LPAR6: variants seen among roughly 807,000 people sequenced by gnomAD.
LPAR6 encodes the protein G-protein coupled purinergic receptor P2Y5.
In LPAR6, 17 loss-of-function variants were observed where a neutral mutation model predicts 22.0. That is an observed-to-expected ratio of 0.77 (90% CI 0.53 to 1.16). The LOEUF (loss-of-function observed/expected upper bound fraction) is 1.16. Ranked by LOEUF, LPAR6 falls within the 50% of genes most tolerant of loss-of-function variation. LPAR6 has a pLI of 0.00. For missense variants in LPAR6, 384 were observed against 406.9 expected (o/e 0.94, Z 0.48); for synonymous variants, 136 against 139.8 (o/e 0.97, Z 0.19).
chr13:48,392,707 C>G (rs893878003), intron 1 of LPAR6, among the ~76,000 whole-genome samples: 1 of 151,770 alleles, frequency 6.6e-6, no homozygotes. Flanking sequence ...GTTACTAAGT[C>G]TAGTACCTAT....
Position 48,411,207 on chromosome 13 carries a change from A to G in LPAR6, c.*182T>C. 1.8e-6 allele frequency: 1 copy of G among 555,358 alleles called. No individual in the cohort carries two copies. Among genetic ancestry groups the G allele is most frequent in the Non-Finnish European group, 3.2e-6 (1 of 312,582 alleles). 34.4% of individuals were successfully genotyped at this position (555,358 alleles called of 1,614,324 possible). ...CTCAGAAAAATCAGATGGAGTGGAT[A>G]CACAAATAAAATACATGTTAATGCT... On this transcript the variant is annotated 3_prime_UTR_variant, in exon 1 of 1. Coordinates refer to ENST00000620633, the MANE Select transcript of LPAR6 (RefSeq NM_001162498.3).
chr13:48,423,491 G>A (rs1337775972), intron 1 of LPAR6, among the ~76,000 whole-genome samples: 1 of 152,080 alleles, frequency 6.6e-6, no homozygotes, highest in Non-Finnish European at 1.5e-5. Flanking sequence ...TTCTGTAAAA[G>A]GCTTCCCTTT....
chr13:48,396,563 A>G (rs1049639570), intron 1 of LPAR6, among the ~76,000 whole-genome samples: 1 of 152,340 alleles, frequency 6.6e-6, no homozygotes, highest in Admixed American at 6.5e-5. Flanking sequence ...AACCTAGGCA[A>G]TACCATTCAG....
chr13:48,404,686 C>T (rs1323335536), intron 1 of LPAR6, among the ~76,000 whole-genome samples: 2 of 151,826 alleles, frequency 1.3e-5, no homozygotes, highest in African/African-American at 4.8e-5. Context: ...GACAACGCGC[C>T]CAGATAATTT....
chr13:48,396,257 C>T (rs535936086), intron 1 of LPAR6, among the ~76,000 whole-genome samples: 1 of 152,026 alleles, frequency 6.6e-6, no homozygotes, highest in African/African-American at 2.4e-5. Flanking sequence ...TACTACAAGG[C>T]CACAATAATC....
chr13:48,403,154 A>G (rs1235423210), intron 1 of LPAR6, among the ~76,000 whole-genome samples: 1 of 152,198 alleles, frequency 6.6e-6, no homozygotes, highest in Non-Finnish European at 1.5e-5. Context: ...ATGTAAAAAC[A>G]CTATTTTTTA....
At chr13:48,410,958 T>A (rs1053493985), downstream of LPAR6, 7 of 152,256 alleles carry the variant, frequency 4.6e-5, no homozygotes, top group African/African-American at 1.7e-4. Context: ...TAATCATAGT[T>A]TAAGAAATAT....
chr13:48,393,007 C>T (rs1593463821), intron 1 of LPAR6, among the ~76,000 whole-genome samples: 2 of 152,176 alleles, frequency 1.3e-5, no homozygotes, highest in Non-Finnish European at 2.9e-5. Context: ...AATCAATAGC[C>T]GATTTTCCTT....
At chr13:48,442,346 G>T (rs555753603) in intron 1 of LPAR6, among the ~76,000 whole-genome samples, 1 of 152,116 alleles carries the variant, frequency 6.6e-6, no homozygotes, top group South Asian at 2.1e-4. Flanking sequence ...GACTACAGGC[G>T]CATGCAACCA....
upstream of LPAR6, among the ~76,000 whole-genome samples, chr13:48,430,770 A>AC (rs1949121980): frequency 6.6e-6 from 1 of 150,430 alleles, no homozygotes; most frequent in African/African-American, 2.5e-5. Flanking sequence ...ACAAACAAAA[A>AC]AAAAAAACAG....
chr13:48,415,975 A>G (rs543847924), upstream of LPAR6, among the ~76,000 whole-genome samples: 18 of 152,376 alleles, frequency 1.2e-4, no homozygotes, highest in Middle Eastern at 6.8e-3. Context: ...ATGAATCCAT[A>G]TAATCAATTA....
At chr13:48,428,699 G>T (rs1428507209), upstream of LPAR6, among the ~76,000 whole-genome samples, 1 of 152,192 alleles carries the variant, frequency 6.6e-6, no homozygotes, top group Non-Finnish European at 1.5e-5. Flanking sequence ...ATCGTATGAT[G>T]ACCATCCTTC....
chr13:48,393,200 C>G (rs1353601705), intron 1 of LPAR6, among the ~76,000 whole-genome samples: 1 of 152,194 alleles, frequency 6.6e-6, no homozygotes, highest in African/African-American at 2.4e-5. Flanking sequence ...ATGCACTGAT[C>G]AGTACTCAGC....
In LPAR6 at chr13:48,395,070, C is replaced by A. The variant is rs1166868958; in HGVS notation, n.115-5258G>T. Among the ~76,000 whole-genome samples the A allele has an allele frequency of 4.2e-5, 5 of 119,332 alleles. No individual in the cohort carries two copies. In the East Asian group the frequency reaches 1.3e-3, roughly 32 times the overall value. The allele number at this position is 119,332 out of a possible 152,430, so 78.3% of individuals were successfully genotyped here. ...GAAGGAACAGGCAGCAATCTTTGCT[C>A]TTCTGCAACCTCCACTGGTGATACC... On this transcript the variant is annotated intron_variant and non_coding_transcript_variant, in intron 1 of 1. Transcript: ENST00000462781.
intron 2 of LPAR6, among the ~76,000 whole-genome samples, chr13:48,422,355 CG>C (rs1566219295): frequency 6.6e-6 from 1 of 151,974 alleles, no homozygotes. Context: ...CATCACACAT[CG>C]GGGCCTGTCG....
At chr13:48,432,684 A>G (rs1478522229) in intron 1 of LPAR6, among the ~76,000 whole-genome samples, 1 of 152,090 alleles carries the variant, frequency 6.6e-6, no homozygotes, top group African/African-American at 2.4e-5. Context: ...CTGACAGCCT[A>G]TGTCAACTGT....
At chr13:48,414,348 A>G (rs567635920), upstream of LPAR6, among the ~76,000 whole-genome samples, 2,005 of 152,082 alleles carry the variant, frequency 0.013, 22 homozygotes, top group Middle Eastern at 0.024. Flanking sequence ...ATCTCAAAAA[A>G]AAAAAAAAAA....
chr13:48,423,592 C>T (rs752795210), intron 1 of LPAR6, among the ~76,000 whole-genome samples: 2 of 151,790 alleles, frequency 1.3e-5, no homozygotes, highest in African/African-American at 2.4e-5. Flanking sequence ...AAAGAGGAAT[C>T]GATTAAAACT....
chr13:48,394,115 G>T (rs1034593622), intron 1 of LPAR6, among the ~76,000 whole-genome samples: 1 of 152,184 alleles, frequency 6.6e-6, no homozygotes, highest in African/African-American at 2.4e-5. Flanking sequence ...GCTGAAGCAG[G>T]ATGGGGCATC....
Sources: gnomAD v4.1 joint callset for allele counts (sites outside exome capture counted in the v4.1 genomes callset) on GRCh38, gnomAD v4.1.1 for gene constraint, MANE v1.5 for transcripts, NCBI Gene and HGNC (gene_info 2026-07-23, HGNC 2026-07-21) for gene names.